Variants in SPTB observed in about 807,000 individuals in gnomAD.
The protein encoded by SPTB is spectrin beta, erythrocytic, also known as spectrin beta chain, erythrocytic.
Under a neutral mutation model 256.2 loss-of-function variants are expected in SPTB, and 45 were observed. The observed-to-expected ratio is 0.18, with a 90% CI of 0.14 to 0.23. The LOEUF (loss-of-function observed/expected upper bound fraction) is 0.23, where lower values mean the gene tolerates loss of function less well. Ranked by LOEUF, SPTB falls within the 10% of genes least tolerant of loss-of-function variation. The pLI, the probability that SPTB is intolerant of heterozygous loss-of-function variation, is 1.00. For missense variants in SPTB, 2,715 were observed against 3,040.4 expected, an observed-to-expected ratio of 0.89 and a Z score of 2.52; for synonymous variants, 1,231 against 1,243.1, an observed-to-expected ratio of 0.99 and a Z score of 0.21.
At chr14:64,788,697 G>C (rs1057389999) in intron 15 of SPTB, among the ~76,000 whole-genome samples, 4 of 152,198 alleles carry the variant, frequency 2.6e-5, no homozygotes, top group African/African-American at 9.6e-5. Context: ...CCTCACTGTA[G>C]CCATTGGGTG....
chr14:64,839,843 G>A (rs1214978843), intron 1 of SPTB, among the ~76,000 whole-genome samples: 4 of 152,174 alleles, frequency 2.6e-5, no homozygotes, highest in African/African-American at 9.7e-5. Context: ...CAAGTGTCAA[G>A]AGAGAGGCAT....
chr14:64,793,446 G>A lies in SPTB; in HGVS notation c.2217C>T (p.Leu739=), dbSNP rs750466588. 5.6e-6 allele frequency: 9 copies of A among 1,614,036 alleles called. No homozygotes were observed. In the South Asian group the frequency reaches 9.9e-5, roughly 18 times the overall value. The stretch of plus-strand genomic sequence containing the variant: ...ACTGGAAAAAGTTCTCAGCATCCTG[G>A]AGGTTCTTCTTGCAGAAGGCAGCCA... ...KDLAAFCKKN[L]QDAENFFQFQ... The change falls in exon 14 of 36, where the codon CTC becomes CTT. Residue 739 remains leucine (L), a synonymous_variant. Coordinates refer to ENST00000644917, the MANE Select transcript of SPTB (RefSeq NM_001355436.2). The surrounding 1 kb of genome is among the most constrained non-coding windows in gnomAD (Gnocchi z 7.0).
Position 64,807,260 on chromosome 14 carries a change from T to C in SPTB, c.149-2170A>G, listed in dbSNP as rs1167446038. 6.6e-6 allele frequency among the ~76,000 whole-genome samples: 1 copy of C among 152,210 alleles called. No individual in the cohort carries two copies. Among genetic ancestry groups the C allele is most frequent in the African/African-American group, 2.4e-5 (1 of 41,456 alleles). On this transcript the variant is annotated intron_variant, in intron 2 of 35. Transcript: ENST00000644917. The surrounding 1 kb of genome is among the most constrained non-coding windows in gnomAD (Gnocchi z 4.7). ...AAAGTATTTCTTCCTCCTTTTCCTG[T>C]CTTTAAGAATGCAAACATTTCATTA...
chr14:64,866,528 G>A lies in SPTB; in HGVS notation c.-52+13264C>T, dbSNP rs542735350. On this transcript the variant is annotated intron_variant, in intron 1 of 35. Coordinates refer to ENST00000644917, the MANE Select transcript of SPTB (RefSeq NM_001355436.2). This position sits in a 1 kb window ranked among gnomAD's most constrained non-coding sequence, Gnocchi z 4.6. The stretch of plus-strand genomic sequence containing the variant: ...CAGAGGCCTCGTAGCTCCACTCACC[G>A]CCTCTGGAAGTTAAATACCAGCTCC... Among the ~76,000 whole-genome samples, 72 of 152,224 alleles carry A rather than the reference G, an allele frequency of 4.7e-4. No homozygotes were observed. The highest frequency in any genetic ancestry group is 1.6e-3 in the African/African-American group (68 of 41,530).
Position 64,791,799 on chromosome 14 carries a change from G to A in SPTB, c.2724C>T (p.Asn908=). ...KTLMTQIDGV[N]LAANSLVESG... is the part of the protein sequence containing the mutation. ...TCTCTACCAAGCTGTTGGCAGCGAG[G>A]TTCACACCATCAATCTGAGTCATCA... Residue 908 remains asparagine, a synonymous_variant, in exon 15 of 36, where the codon AAC becomes AAT. Coordinates refer to ENST00000644917, the MANE Select transcript of SPTB (RefSeq NM_001355436.2). 3 of 1,614,158 alleles carry A rather than the reference G, an allele frequency of 1.9e-6. No homozygotes were observed. The highest frequency in any genetic ancestry group is 2.5e-6 in the Non-Finnish European group (3 of 1,180,036).
At chr14:64,765,804 G>T (rs944443367) in intron 32 of SPTB, among the ~76,000 whole-genome samples, 3 of 149,776 alleles carry the variant, frequency 2.0e-5, no homozygotes, top group African/African-American at 7.5e-5. Context: ...TGAGTGATTG[G>T]GGTGTGTGTG....
At chr14:64,846,725 T>G (rs2083699521) in intron 1 of SPTB, among the ~76,000 whole-genome samples, 2 of 152,218 alleles carry the variant, frequency 1.3e-5, no homozygotes. Flanking sequence ...TCAGGTACTG[T>G]CTGGATCATA....
intron 2 of SPTB, 61 bp from the exon 3 acceptor site, chr14:64,805,151 G>A: frequency 6.2e-7 from 1 of 1,602,176 alleles, no homozygotes; most frequent in East Asian, 2.2e-5. Flanking sequence ...TGTGACATGG[G>A]GCCAAGGGGT....
Position 64,793,375 on chromosome 14 carries a change from TG to T in SPTB, c.2287del (p.His763ThrfsTer36). 1 of 1,612,706 alleles carries T rather than the reference TG, an allele frequency of 6.2e-7. No homozygotes were observed. On this transcript the variant is annotated frameshift_variant, in exon 14 of 36. Transcript: ENST00000644917. LOFTEE classifies it high-confidence loss of function. The surrounding 1 kb of genome is among the most constrained non-coding windows in gnomAD (Gnocchi z 7.0). ...DDLKAWLQDAHRLLSGEDVGQ... is the reference protein window; with the variant it reads ...DDLKAWLQDAXRLLSGEDVGQ... ...CACATCTTCACCAGAGAGCAGCCGG[TG>T]GGCGTCTTGCAGCCAAGCCTTCAGG...
In SPTB at chr14:64,764,027, G is replaced by A. The variant is rs1418470912; in HGVS notation, c.6345+2699C>T. Among the ~76,000 whole-genome samples, 1 of 152,230 alleles carries A rather than the reference G, an allele frequency of 6.6e-6. No homozygotes were observed. Among genetic ancestry groups the A allele is most frequent in the Non-Finnish European group, 1.5e-5 (1 of 68,042 alleles). On this transcript the variant is annotated intron_variant, in intron 32 of 35. Coordinates refer to ENST00000644917, the MANE Select transcript of SPTB (RefSeq NM_001355436.2). This position sits in a 1 kb window ranked among gnomAD's most constrained non-coding sequence, Gnocchi z 4.2. ...AGCAGGAAGCCGACATGCACAGTGAGGGATTGTACATGAAGCAACACCGCA... is the reference window on the plus strand; with the variant it reads ...AGCAGGAAGCCGACATGCACAGTGAAGGATTGTACATGAAGCAACACCGCA...
In SPTB at chr14:64,800,743, A is replaced by C; in HGVS notation, c.876+13T>G. On this transcript the variant is annotated intron_variant, in intron 8 of 35. Transcript: ENST00000644917. The stretch of plus-strand genomic sequence containing the variant: ...GGGGAAGAGTGACACTTTGGTTCCA[A>C]AACAGCTTGTACCTTGCCGACACGC... The C allele has an allele frequency of 6.2e-7, 1 of 1,612,980 alleles. No homozygotes were observed. Among genetic ancestry groups the C allele is most frequent in the Non-Finnish European group, 8.5e-7 (1 of 1,178,956 alleles).
At position 64,786,770 on chromosome 14, in the gene SPTB, G is replaced by A. The variant is rs778879732; in HGVS notation, c.3195C>T (p.Ala1065=). The change falls in exon 16 of 36, where the codon GCC becomes GCT. Residue 1065 remains alanine, a synonymous_variant. Transcript: ENST00000644917. The surrounding 1 kb of genome is among the most constrained non-coding windows in gnomAD (Gnocchi z 5.6). ...GGAAGTCATCCAGATCCTGCAGGAAGGCCTGCAGCTGGCTGACTTCCCCCA... is the reference window on the plus strand; with the variant it reads ...GGAAGTCATCCAGATCCTGCAGGAAAGCCTGCAGCTGGCTGACTTCCCCCA... ...DLLGEVSQLQ[A]FLQDLDDFQA... The A allele has an allele frequency of 6.2e-7, 1 of 1,614,072 alleles. No individual in the cohort carries two copies. Among genetic ancestry groups the A allele is most frequent in the Non-Finnish European group, 8.5e-7 (1 of 1,180,014 alleles).
At chr14:64,765,229 C>T (rs926066454) in intron 32 of SPTB, among the ~76,000 whole-genome samples, 5 of 152,120 alleles carry the variant, frequency 3.3e-5, no homozygotes, top group Non-Finnish European at 7.4e-5. Flanking sequence ...GGCGGGCTCA[C>T]GGGACACCTG....
rs769340592 is a variant in SPTB at position 64,802,275 on chromosome 14, G to A, written c.517C>T (p.Arg173Cys). 10 of 1,614,208 alleles carry A rather than the reference G, an allele frequency of 6.2e-6. No individual in the cohort carries two copies. The East Asian group carries it at 6.7e-5, about 11-fold the overall frequency. ...VVQTQEGRET[R>C]SAKDALLLWC... ...AACAGCAACGCATCCTTGGCTGAGC[G>A]TGTTTCACGACCTTCCTGAGTTTGG... The change falls in exon 5 of 36, where the codon CGC (arginine) becomes TGC (cysteine). Residue 173 changes from arginine to cysteine, a missense_variant. By Grantham distance (180) the Arg-to-Cys change is radical. This residue lies in a region of SPTB where 416 missense variants were observed against 571.1 expected (regional missense o/e 0.73). Transcript: ENST00000644917. This position sits in a 1 kb window ranked among gnomAD's most constrained non-coding sequence, Gnocchi z 5.1.
intron 27 of SPTB, among the ~76,000 whole-genome samples, chr14:64,770,498 C>T (rs1018061367): frequency 1.3e-5 from 2 of 152,190 alleles, no homozygotes; most frequent in African/African-American, 4.8e-5. Flanking sequence ...GAGCTTCTTC[C>T]TGAGTTTTGG....
At chr14:64,800,899 C>A in intron 7 of SPTB, 31 bp from the exon 8 acceptor site, 1 of 1,570,078 alleles carries the variant, frequency 6.4e-7, no homozygotes, top group South Asian at 1.1e-5. Flanking sequence ...CTCTCAGGAC[C>A]AAACTGGAAG....
At position 64,825,696 on chromosome 14, in the gene SPTB, G is replaced by A. The variant is rs1333785829; in HGVS notation, c.-51-2551C>T. ...GCTATTTTTAAGAGTGGCTGAGAGA[G>A]GCCTGGGCCGTGGGGCTGGAGAGTG... On this transcript the variant is annotated intron_variant, in intron 1 of 35. Transcript: ENST00000644917. This position sits in a 1 kb window ranked among gnomAD's most constrained non-coding sequence, Gnocchi z 4.8. Among the ~76,000 whole-genome samples, 2 of 152,268 alleles carry A rather than the reference G, an allele frequency of 1.3e-5. No individual in the cohort carries two copies. The highest frequency in any genetic ancestry group is 2.9e-5 in the Non-Finnish European group (2 of 68,050).
Position 64,795,960 on chromosome 14 carries a change from T to C in SPTB, c.1342-321A>G, listed in dbSNP as rs1356335905. Among the ~76,000 whole-genome samples, 1 of 152,116 alleles carries C rather than the reference T, an allele frequency of 6.6e-6. No homozygotes were observed. Among genetic ancestry groups the C allele is most frequent in the Non-Finnish European group, 1.5e-5 (1 of 67,986 alleles). On this transcript the variant is annotated intron_variant, in intron 11 of 35. Coordinates refer to ENST00000644917, the MANE Select transcript of SPTB (RefSeq NM_001355436.2). The surrounding 1 kb of genome is among the most constrained non-coding windows in gnomAD (Gnocchi z 6.5). The stretch of plus-strand genomic sequence containing the variant: ...ACATGCCTCGAGTGGACCTGTTGGA[T>C]TTGGGGCAGGAAGGGGCTGCTTCTC...
intron 24 of SPTB, 100 bp downstream of exon 24, chr14:64,774,297 A>C (rs1485979795): frequency 6.9e-7 from 1 of 1,445,444 alleles, no homozygotes; most frequent in Non-Finnish European, 9.2e-7. Flanking sequence ...TGATGGGAAA[A>C]CTCTTTCCAT....
Sources: allele counts gnomAD v4.1 joint callset (sites outside exome capture counted in the v4.1 genomes callset), GRCh38; gene constraint gnomAD v4.1.1; regional missense constraint gnomAD v4.1.1; non-coding constraint Gnocchi (gnomAD v3.1); transcripts MANE v1.5; gene names NCBI Gene and HGNC (gene_info 2026-07-23, HGNC 2026-07-21).